UHMK1: variants seen among roughly 807,000 people sequenced by gnomAD.
UHMK1 encodes U2AF homology motif kinase 1, also known as serine/threonine-protein kinase Kist.
Under a neutral mutation model 44.0 loss-of-function variants are expected in UHMK1, and 18 were observed. The ratio of observed to expected loss-of-function variants is 0.41; its 90% confidence interval spans 0.28 to 0.61. UHMK1 has a LOEUF of 0.61. Among genes scored for constraint, UHMK1 ranks in the 20% least tolerant of loss-of-function variants. The probability of loss-of-function intolerance (pLI) is 0.31; values close to 1 mark genes in which losing one functional copy is unlikely to be tolerated. For missense variants in UHMK1, 463 were observed against 522.5 expected (o/e 0.89, Z 1.11); for synonymous variants, 231 against 198.5 (o/e 1.16, Z -1.38).
chr1:162,521,192 A>G (rs1366113509), intron 7 of UHMK1, among the ~76,000 whole-genome samples: 1 of 152,224 alleles, frequency 6.6e-6, no homozygotes, highest in Non-Finnish European at 1.5e-5. Context: ...AATGCATCTG[A>G]TAATGCAATT....
intron 6 of UHMK1, among the ~76,000 whole-genome samples, chr1:162,515,983 G>T (rs962107299): frequency 6.6e-6 from 1 of 151,368 alleles, no homozygotes; most frequent in African/African-American, 2.4e-5. Flanking sequence ...GCAGTGAGCC[G>T]AGGTGGCACC....
At position 162,525,342 on chromosome 1, in the gene UHMK1, C is replaced by A. The variant is rs902647848; in HGVS notation, c.*2792C>A. On this transcript the variant is annotated 3_prime_UTR_variant, in exon 8 of 8. Coordinates refer to ENST00000489294, the MANE Select transcript of UHMK1 (RefSeq NM_175866.5). ...AGAGGTGAGGGTTCATGTCACTTAACCCCTACCCTTTTGGGCAAATTTTGT... is the reference window on the plus strand; with the variant it reads ...AGAGGTGAGGGTTCATGTCACTTAAACCCTACCCTTTTGGGCAAATTTTGT... The A allele has an allele frequency of 6.6e-6, 1 of 152,102 alleles. No individual in the cohort carries two copies. Among genetic ancestry groups the A allele is most frequent in the African/African-American group, 2.4e-5 (1 of 41,412 alleles). 9.4% of individuals were successfully genotyped at this position (152,102 alleles called of 1,614,324 possible).
Position 162,512,756 on chromosome 1 carries a change from C to T in UHMK1, c.957C>T (p.Pro319=). ...APHIEDLVML[P]TPVLRLLNVL... ...ATATTGAAGATCTGGTCATGCTTCC[C>T]ACTCCAGTGCTAAGACTGCTGAATG... The change falls in exon 6 of 8, where the codon CCC becomes CCT. Residue 319 remains proline (P), a synonymous_variant. Transcript: ENST00000489294. The T allele has an allele frequency of 6.2e-7, 1 of 1,614,086 alleles. No homozygotes were observed. Among genetic ancestry groups the T allele is most frequent in the East Asian group, 2.2e-5 (1 of 44,870 alleles).
chr1:162,517,359 C>G (rs1651867691), intron 6 of UHMK1, among the ~76,000 whole-genome samples: 1 of 151,968 alleles, frequency 6.6e-6, no homozygotes, highest in Admixed American at 6.6e-5. Context: ...GGGGGGTTAT[C>G]TATTGCAGTA....
chr1:162,503,928 T>G, intron 4 of UHMK1, 80 bp downstream of exon 4: 2 of 1,022,266 alleles, frequency 2.0e-6, no homozygotes, highest in South Asian at 1.6e-5. Flanking sequence ...CTGAACAGAT[T>G]TATATTATTA....
intron 1 of UHMK1, 85 bp from the exon 2 acceptor site, chr1:162,499,870 A>G: frequency 7.9e-7 from 1 of 1,271,538 alleles, no homozygotes; most frequent in Non-Finnish European, 1.1e-6. Flanking sequence ...TATCTAGACT[A>G]TCTCAAATTT....
chr1:162,517,656 G>T (rs1233159822), intron 6 of UHMK1, among the ~76,000 whole-genome samples: 1 of 152,168 alleles, frequency 6.6e-6, no homozygotes. Context: ...GGAGGCTGAG[G>T]TGGGCGGATC....
At chr1:162,512,463 C>T in intron 4 of UHMK1, 37 bp from the exon 5 acceptor site, 1 of 1,550,786 alleles carries the variant, frequency 6.4e-7, no homozygotes, top group Non-Finnish European at 8.7e-7. Context: ...TCAAAAGATT[C>T]AGCAGAAATG....
intron 3 of UHMK1, among the ~76,000 whole-genome samples, chr1:162,502,659 T>C (rs1412731758): frequency 6.6e-6 from 1 of 152,192 alleles, no homozygotes; most frequent in East Asian, 1.9e-4. Flanking sequence ...CTCCAATATA[T>C]GCCTCTAGAT....
chr1:162,523,707 C>T lies in UHMK1; in HGVS notation c.*1157C>T, dbSNP rs1652142432. The T allele has an allele frequency of 6.6e-6, 1 of 152,032 alleles. No individual in the cohort carries two copies. Among genetic ancestry groups the T allele is most frequent in the African/African-American group, 2.4e-5 (1 of 41,394 alleles). The allele number at this position is 152,032 out of a possible 1,614,324, so 9.4% of individuals were successfully genotyped here. A position where few individuals can be genotyped will look rare whatever the true frequency, so the allele number is the denominator to read the frequency against. ...TTTCTTCCTTTCTGTTTCTCGTATC[C>T]CTGCTCCCTTTTTCCTCCCCTTCCC... is the stretch of plus-strand genomic sequence containing the variant. On this transcript the variant is annotated 3_prime_UTR_variant, in exon 8 of 8. Coordinates refer to ENST00000489294, the MANE Select transcript of UHMK1 (RefSeq NM_175866.5).
chr1:162,518,260 C>T (rs1288896868), intron 7 of UHMK1, 70 bp downstream of exon 7: 2 of 1,189,814 alleles, frequency 1.7e-6, no homozygotes, highest in Non-Finnish European at 2.5e-6. Context: ...TGTTTTAGTT[C>T]TGTAGGAAGA....
In UHMK1 at chr1:162,520,718, T is replaced by G. The variant is rs1358457681; in HGVS notation, c.1114-1686T>G. Among the ~76,000 whole-genome samples the G allele has an allele frequency of 2.6e-5, 4 of 152,112 alleles. No individual in the cohort carries two copies. The East Asian group carries it at 7.7e-4, about 29-fold the overall frequency. The stretch of plus-strand genomic sequence containing the variant: ...GTGAGAAAGAAGAATAGTAGGAGAT[T>G]AGATCAGAGAGATTAGGGAGTGGTA... On this transcript the variant is annotated intron_variant, in intron 7 of 7. Coordinates refer to ENST00000489294, the MANE Select transcript of UHMK1 (RefSeq NM_175866.5).
At chr1:162,497,431 AAAG>A (rs146917341), upstream of UHMK1, 1,801 of 547,356 alleles carry the variant, frequency 3.3e-3, 47 homozygotes, top group East Asian at 0.05. Context: ...TTTACATCTA[AAAG>A]AAGAACAAAG....
intron 6 of UHMK1, among the ~76,000 whole-genome samples, chr1:162,514,729 C>G (rs923644934): frequency 6.6e-6 from 1 of 152,146 alleles, no homozygotes; most frequent in Non-Finnish European, 1.5e-5. Flanking sequence ...TGAATTAAAC[C>G]ACTTGGCAGA....
At position 162,524,011 on chromosome 1, in the gene UHMK1, A is replaced by G. The variant is rs1026487220; in HGVS notation, c.*1461A>G. On this transcript the variant is annotated 3_prime_UTR_variant, in exon 8 of 8. Transcript: ENST00000489294. Reference sequence around the variant, plus strand: ...CTTATTTCATGGTAGGTTGTCTTTAAAGATATAAAAATTAGGATGCCTTTA... The same window carrying G: ...CTTATTTCATGGTAGGTTGTCTTTAGAGATATAAAAATTAGGATGCCTTTA... The G allele has an allele frequency of 3.3e-5, 5 of 152,178 alleles. No homozygotes were observed. The highest frequency in any genetic ancestry group is 1.2e-4 in the African/African-American group (5 of 41,454). 9.4% of individuals were successfully genotyped at this position (152,178 alleles called of 1,614,324 possible). A position where few individuals can be genotyped will look rare whatever the true frequency, so the allele number is the denominator to read the frequency against.
Position 162,524,194 on chromosome 1 carries a change from A to G in UHMK1, c.*1644A>G, listed in dbSNP as rs997855218. The stretch of plus-strand genomic sequence containing the variant: ...TTGCCATGCAGGTTGCTGAGAGTCC[A>G]GTTAGAATTTGCATTTTACAGAATG... On this transcript the variant is annotated 3_prime_UTR_variant, in exon 8 of 8. Coordinates refer to ENST00000489294, the MANE Select transcript of UHMK1 (RefSeq NM_175866.5). 6.6e-6 allele frequency: 1 copy of G among 152,152 alleles called. No individual in the cohort carries two copies. The highest frequency in any genetic ancestry group is 2.4e-5 in the African/African-American group (1 of 41,434). The allele number at this position is 152,152 out of a possible 1,614,324, so 9.4% of individuals were successfully genotyped here.
At chr1:162,518,846 G>A (rs1343013797) in intron 7 of UHMK1, among the ~76,000 whole-genome samples, 1 of 150,658 alleles carries the variant, frequency 6.6e-6, no homozygotes, top group Non-Finnish European at 1.5e-5. Context: ...AAATTAGCTG[G>A]GCATGGTGGC....
At chr1:162,508,665 G>T (rs185118878) in intron 4 of UHMK1, among the ~76,000 whole-genome samples, 1 of 151,362 alleles carries the variant, frequency 6.6e-6, no homozygotes, top group African/African-American at 2.4e-5. Flanking sequence ...TTGCACCACT[G>T]CACTTCAGCC....
At chr1:162,497,513 T>C (rs957433855), upstream of UHMK1, among the ~76,000 whole-genome samples, 1 of 152,164 alleles carries the variant, frequency 6.6e-6, no homozygotes, top group African/African-American at 2.4e-5. Flanking sequence ...TCTCTTTTTG[T>C]TCCTGGGGTG....
Sources: allele counts gnomAD v4.1 joint callset (sites outside exome capture counted in the v4.1 genomes callset), GRCh38; gene constraint gnomAD v4.1.1; transcripts MANE v1.5; gene names NCBI Gene and HGNC (gene_info 2026-07-23, HGNC 2026-07-21).